Variants in CYP2J2 observed in about 807,000 individuals in gnomAD.
CYP2J2 encodes cytochrome P450 2J2.
In CYP2J2, 41 loss-of-function variants were observed where a neutral mutation model predicts 48.8. The observed-to-expected ratio is 0.84, with a 90% CI of 0.66 to 1.09. CYP2J2 has a LOEUF of 1.09. Among genes scored for constraint, CYP2J2 ranks in the 50% least tolerant of loss-of-function variants. The probability of loss-of-function intolerance (pLI) is 0.00; values close to 1 mark genes in which losing one functional copy is unlikely to be tolerated. For synonymous variants in CYP2J2, 221 were observed against 227.1 expected (o/e 0.97, Z 0.24); for missense variants, 644 against 617.3 (o/e 1.04, Z -0.46).
intron 7 of CYP2J2, 62 bp downstream of exon 7, chr1:59,904,809 T>A (rs1644350997): frequency 7.3e-7 from 1 of 1,377,736 alleles, no homozygotes; most frequent in Non-Finnish European, 1.0e-6. Flanking sequence ...AGAATAAATG[T>A]CACTTCTCAA....
chr1:59,910,045 C>A, intron 4 of CYP2J2, 85 bp from the exon 5 acceptor site: 1 of 1,066,054 alleles, frequency 9.4e-7, no homozygotes, highest in East Asian at 2.6e-5. Flanking sequence ...CTTCTCTTTC[C>A]GTCTCTTTTA....
chr1:59,962,437 A>C, the CYP2J2 span, among the ~76,000 whole-genome samples: 2 of 152,102 alleles, frequency 1.3e-5, no homozygotes, highest in African/African-American at 4.8e-5. Flanking sequence ...CTCCAGGGGG[A>C]AAAAAATTCT....
In CYP2J2 at chr1:59,911,590, G is replaced by C; in HGVS notation, c.684+18C>G. ...CCCCAATTTACTGAACAAAGATATG[G>C]AGAGACAGCTGCCTTACCTGGCATG... is the stretch of plus-strand genomic sequence containing the variant. On this transcript the variant is annotated intron_variant, in intron 4 of 8. Coordinates refer to ENST00000371204, the MANE Select transcript of CYP2J2 (RefSeq NM_000775.4). The C allele has an allele frequency of 6.3e-7, 1 of 1,583,702 alleles. No homozygotes were observed. The highest frequency in any genetic ancestry group is 1.4e-5 in the African/African-American group (1 of 74,008).
intron 2 of CYP2J2, among the ~76,000 whole-genome samples, chr1:59,914,836 A>C (rs1347850555): frequency 6.6e-6 from 1 of 152,206 alleles, no homozygotes; most frequent in Non-Finnish European, 1.5e-5. Context: ...AGCCTCTTGC[A>C]GTTGAGATAG....
the CYP2J2 span, among the ~76,000 whole-genome samples, chr1:59,953,427 T>G: frequency 6.6e-6 from 1 of 152,072 alleles, no homozygotes; most frequent in Non-Finnish European, 1.5e-5. Context: ...AAAAAATGAT[T>G]ATATGATAAT....
chr1:59,920,473 C>T (rs1460320901), intron 1 of CYP2J2, among the ~76,000 whole-genome samples: 1 of 151,978 alleles, frequency 6.6e-6, no homozygotes, highest in African/African-American at 2.4e-5. Context: ...TCATTATTAT[C>T]ATTCTTTACA....
At chr1:59,945,222 G>A in the CYP2J2 span, among the ~76,000 whole-genome samples, 1 of 151,908 alleles carries the variant, frequency 6.6e-6, no homozygotes, top group African/African-American at 2.4e-5. Flanking sequence ...TTCTTTTGTG[G>A]TTTAATTTTT....
chr1:59,940,862 T>C, the CYP2J2 span, among the ~76,000 whole-genome samples: 108 of 152,318 alleles, frequency 7.1e-4, no homozygotes, highest in African/African-American at 1.2e-3. Flanking sequence ...GAAGTTATTA[T>C]ATTAAGTGAA....
the CYP2J2 span, among the ~76,000 whole-genome samples, chr1:59,967,740 G>T: frequency 2.0e-5 from 3 of 152,334 alleles, no homozygotes; most frequent in African/African-American, 7.2e-5. Flanking sequence ...GAAATAGGCT[G>T]CACTGGGTAT....
At position 59,912,218 on chromosome 1, in the gene CYP2J2, T is replaced by C. The variant is rs765797963; in HGVS notation, c.467A>G (p.Glu156Gly). Residue 156 changes from glutamate (E) to glycine (G), a missense_variant, in exon 3 of 9, where the codon GAG becomes GGG. Glu to Gly is a moderately conservative substitution (Grantham distance 98). Coordinates refer to ENST00000371204, the MANE Select transcript of CYP2J2 (RefSeq NM_000775.4). ...TTGGGCCTCCTCCTGAATGCGTTCC[T>C]CTAAGCTCTTCTTTCCTAAACCAAA... is the stretch of plus-strand genomic sequence containing the variant. ...RNFGLGKKSL[E>G]ERIQEEAQHL... The C allele has an allele frequency of 3.7e-6, 6 of 1,613,820 alleles. No homozygotes were observed. In the East Asian group the frequency reaches 1.3e-4, roughly 36 times the overall value.
the CYP2J2 span, among the ~76,000 whole-genome samples, chr1:59,935,023 T>TACACAC: frequency 4.5e-3 from 342 of 75,296 alleles, 4 homozygotes; most frequent in Non-Finnish European, 7.2e-3. Context: ...TACATATATA[T>TACACAC]ATATATATAT....
the CYP2J2 span, among the ~76,000 whole-genome samples, chr1:59,966,172 AAT>A: frequency 6.6e-6 from 1 of 152,162 alleles, no homozygotes; most frequent in Non-Finnish European, 1.5e-5. Context: ...GGCAGAGAGA[AAT>A]AGTGGTTAAG....
At chr1:59,917,099 G>A (rs998399816) in intron 1 of CYP2J2, among the ~76,000 whole-genome samples, 6 of 152,114 alleles carry the variant, frequency 3.9e-5, no homozygotes, top group African/African-American at 1.4e-4. Context: ...TGCGGAAGTT[G>A]CTTTATTTTT....
At chr1:59,940,519 T>C in the CYP2J2 span, among the ~76,000 whole-genome samples, 1 of 152,240 alleles carries the variant, frequency 6.6e-6, no homozygotes, top group African/African-American at 2.4e-5. Context: ...TGCACCAAAC[T>C]AATAGTACAA....
Position 59,911,638 on chromosome 1 carries a change from G to A in CYP2J2, c.654C>T (p.Val218=), listed in dbSNP as rs1374306505. The change falls in exon 4 of 9, where the codon GTC becomes GTT. Residue 218 remains valine, a synonymous_variant. Transcript: ENST00000371204. ...FQQLLKLLDE[V]TYLEASKTCQ... ...ATGTCTTTGAAGCCTCCAAGTATGTGACTTCATCTAGTAACTTCAGCAGCT... is the reference window on the plus strand; with the variant it reads ...ATGTCTTTGAAGCCTCCAAGTATGTAACTTCATCTAGTAACTTCAGCAGCT... 6.2e-7 allele frequency: 1 copy of A among 1,612,756 alleles called. No individual in the cohort carries two copies. Among genetic ancestry groups the A allele is most frequent in the Admixed American group, 1.7e-5 (1 of 59,882 alleles).
the CYP2J2 span, among the ~76,000 whole-genome samples, chr1:59,956,709 A>T: frequency 6.6e-6 from 1 of 152,214 alleles, no homozygotes; most frequent in Non-Finnish European, 1.5e-5. Flanking sequence ...CTTGAAAAGA[A>T]ATAAGAAAAA....
the CYP2J2 span, among the ~76,000 whole-genome samples, chr1:59,945,706 G>A: frequency 6.6e-6 from 1 of 152,038 alleles, no homozygotes; most frequent in South Asian, 2.1e-4. Context: ...AGCCAATTAC[G>A]AGAAAAGTCC....
intron 1 of CYP2J2, among the ~76,000 whole-genome samples, chr1:59,916,307 G>A (rs914394479): frequency 6.6e-6 from 1 of 151,902 alleles, no homozygotes; most frequent in African/African-American, 2.4e-5. Context: ...TCTCAACAAG[G>A]CTCAGATTCA....
the CYP2J2 span, among the ~76,000 whole-genome samples, chr1:59,946,637 A>G: frequency 6.6e-6 from 1 of 152,338 alleles, no homozygotes; most frequent in African/African-American, 2.4e-5. Flanking sequence ...ACAAAATGTA[A>G]GGGAAAACTT....
Sources: gnomAD v4.1 joint callset for allele counts (sites outside exome capture counted in the v4.1 genomes callset) on GRCh38, gnomAD v4.1.1 for gene constraint, MANE v1.5 for transcripts, NCBI Gene and HGNC (gene_info 2026-07-23, HGNC 2026-07-21) for gene names.